DPYSL3: variants seen among roughly 807,000 people sequenced by gnomAD.
DPYSL3 encodes dihydropyrimidinase-related protein 3.
Under a neutral mutation model 66.1 loss-of-function variants are expected in DPYSL3, and 16 were observed. That is an observed-to-expected ratio of 0.24 (90% confidence interval 0.16 to 0.37). The LOEUF is 0.37. Ranked by LOEUF, DPYSL3 falls within the 10% of genes least tolerant of loss-of-function variation. DPYSL3 has a pLI of 1.00. For synonymous variants in DPYSL3, 338 were observed against 345.1 expected (o/e 0.98, Z 0.23); for missense variants, 738 against 916.2 (o/e 0.81, Z 2.51).
intron 1 of DPYSL3, among the ~76,000 whole-genome samples, chr5:147,503,176 A>C (rs1159668489): frequency 6.6e-6 from 1 of 152,202 alleles, no homozygotes; most frequent in Non-Finnish European, 1.5e-5. Flanking sequence ...GGGACCATAG[A>C]CTTCCAAGCA....
intron 1 of DPYSL3, among the ~76,000 whole-genome samples, chr5:147,448,343 T>C (rs1171687395): frequency 3.3e-5 from 5 of 152,204 alleles, no homozygotes; most frequent in Non-Finnish European, 5.9e-5. Context: ...TAATGGCCTG[T>C]GTCGGACTGT....
Position 147,497,529 on chromosome 5 carries a change from C to T in DPYSL3, c.381+11949G>A, listed in dbSNP as rs144235540. On this transcript the variant is annotated intron_variant, in intron 1 of 13. Coordinates refer to ENST00000343218, the MANE Select transcript of DPYSL3 (RefSeq NM_001197294.2). ...GTATACAGAAAGTTACACACCATAG[C>T]CATGAAGGTTTATCTCAGCAAGGCT... is the stretch of plus-strand genomic sequence containing the variant. Among the ~76,000 whole-genome samples the T allele has an allele frequency of 4.6e-3, 706 of 152,212 alleles. 9 individuals carry two copies. The highest frequency in any genetic ancestry group is 0.016 in the African/African-American group (668 of 41,536).
intron 1 of DPYSL3, among the ~76,000 whole-genome samples, chr5:147,444,497 A>G (rs1332692923): frequency 6.6e-6 from 1 of 152,214 alleles, no homozygotes; most frequent in Non-Finnish European, 1.5e-5. Context: ...ATACCTGATT[A>G]TATTATATAT....
intron 7 of DPYSL3, among the ~76,000 whole-genome samples, chr5:147,406,684 A>G (rs368912333): frequency 6.8e-4 from 104 of 152,312 alleles, no homozygotes; most frequent in African/African-American, 2.4e-3. Flanking sequence ...GTCTACTCTC[A>G]ACTTGTGTAA....
At chr5:147,494,064 G>A (rs563036049) in intron 1 of DPYSL3, among the ~76,000 whole-genome samples, 4 of 152,076 alleles carry the variant, frequency 2.6e-5, no homozygotes, top group East Asian at 1.9e-4. Flanking sequence ...GTGGTGGCAG[G>A]CGCCTGTAAT....
At chr5:147,506,307 A>C (rs1164192946) in intron 1 of DPYSL3, among the ~76,000 whole-genome samples, 1 of 152,216 alleles carries the variant, frequency 6.6e-6, no homozygotes, top group Non-Finnish European at 1.5e-5. Context: ...TTGTACCAGC[A>C]TAGAAGGGGA....
At chr5:147,402,492 C>A (rs1178582753) in intron 8 of DPYSL3, among the ~76,000 whole-genome samples, 1 of 148,032 alleles carries the variant, frequency 6.8e-6, no homozygotes, top group Non-Finnish European at 1.5e-5. Context: ...GGACTACAGG[C>A]GCCCGCCACC....
intron 11 of DPYSL3, 45 bp from the exon 12 acceptor site, chr5:147,397,890 A>G (rs949648030): frequency 2.0e-6 from 3 of 1,525,202 alleles, no homozygotes; most frequent in African/African-American, 1.4e-5. Context: ...GGGTAGAGAA[A>G]GAGGAACGTA....
intron 1 of DPYSL3, among the ~76,000 whole-genome samples, chr5:147,426,085 C>CT (rs749587487): frequency 1.1e-4 from 16 of 152,050 alleles, no homozygotes; most frequent in Non-Finnish European, 1.0e-4. Flanking sequence ...TTTTATGGAG[C>CT]TTAAAGGGAA....
chr5:147,412,732 G>A, intron 5 of DPYSL3, 44 bp from the exon 6 acceptor site: 1 of 1,566,128 alleles, frequency 6.4e-7, no homozygotes, highest in Non-Finnish European at 8.7e-7. Context: ...AGCACTTTTA[G>A]CAGCCCCACA....
chr5:147,399,200 G>A lies in DPYSL3; in HGVS notation c.1505C>T (p.Ala502Val). 1.2e-6 allele frequency: 2 copies of A among 1,614,206 alleles called. No individual in the cohort carries two copies. Among genetic ancestry groups the A allele is most frequent in the Non-Finnish European group, 1.7e-6 (2 of 1,180,042 alleles). The change falls in exon 11 of 14, where the codon GCT becomes GTT. Residue 502 changes from alanine to valine, a missense_variant. By Grantham distance (64) the Ala-to-Val change is moderately conservative (BLOSUM62 0). Transcript: ENST00000343218. Reference protein sequence around the residue: ...NQFVAVTSTNAAKIFNLYPRK... With the variant: ...NQFVAVTSTNVAKIFNLYPRK... ...GGGATACAGGTTGAAGATCTTGGCAGCGTTTGTGCTTGTCACAGCCACGAA... is the reference window on the plus strand; with the variant it reads ...GGGATACAGGTTGAAGATCTTGGCAACGTTTGTGCTTGTCACAGCCACGAA...
Position 147,415,703 on chromosome 5 carries a change from G to A in DPYSL3, c.820+6C>T. The A allele has an allele frequency of 6.2e-7, 1 of 1,613,184 alleles. No individual in the cohort carries two copies. The highest frequency in any genetic ancestry group is 8.5e-7 in the Non-Finnish European group (1 of 1,179,502). On this transcript the variant is annotated splice_donor_region_variant and intron_variant, in intron 4 of 13. Transcript: ENST00000343218. The stretch of plus-strand genomic sequence containing the variant: ...AGAGGAGGGAGGACGGCATGTCCGG[G>A]CTCACCTTTGTCCTTGATGAGGTTC...
chr5:147,406,920 T>C (rs1228878386), intron 7 of DPYSL3, among the ~76,000 whole-genome samples: 2 of 152,206 alleles, frequency 1.3e-5, no homozygotes, highest in African/African-American at 4.8e-5. Flanking sequence ...CTGGCTGAGC[T>C]GGCCTCCCCC....
chr5:147,417,950 G>A (rs936776177), intron 3 of DPYSL3, among the ~76,000 whole-genome samples: 2 of 152,034 alleles, frequency 1.3e-5, no homozygotes, highest in Non-Finnish European at 2.9e-5. Flanking sequence ...CAGCGATTTT[G>A]AAAACCTCCA....
At chr5:147,398,458 A>G (rs1758063450) in intron 11 of DPYSL3, among the ~76,000 whole-genome samples, 1 of 152,200 alleles carries the variant, frequency 6.6e-6, no homozygotes. Flanking sequence ...AATAGTCCCT[A>G]CCTGTAGAAG....
At chr5:147,473,213 G>T (rs1753109404) in intron 1 of DPYSL3, 1 of 152,174 alleles carries the variant, frequency 6.6e-6, no homozygotes, top group Non-Finnish European at 1.5e-5. Flanking sequence ...ACATCAATGT[G>T]AGAGGGCTCA....
rs745731115 is a variant in DPYSL3 at position 147,393,986 on chromosome 5, T to G, written c.*49A>C. On this transcript the variant is annotated 3_prime_UTR_variant, in exon 14 of 14. Coordinates refer to ENST00000343218, the MANE Select transcript of DPYSL3 (RefSeq NM_001197294.2). ...TAAATATCGGTGTACCATTTTGGCTTCAAAACAATCTCTTCTTGCTTCTGC... is the reference window on the plus strand; with the variant it reads ...TAAATATCGGTGTACCATTTTGGCTGCAAAACAATCTCTTCTTGCTTCTGC... The G allele has an allele frequency of 1.5e-5, 24 of 1,595,434 alleles. No individual in the cohort carries two copies. Among genetic ancestry groups the G allele is most frequent in the Non-Finnish European group, 2.0e-5 (23 of 1,164,844 alleles).
intron 1 of DPYSL3, among the ~76,000 whole-genome samples, chr5:147,461,392 G>C (rs1752929254): frequency 6.6e-6 from 1 of 152,018 alleles, no homozygotes; most frequent in Admixed American, 6.5e-5. Context: ...GCCTCCTCAG[G>C]CTCACTGTAA....
At chr5:147,404,339 C>T (rs372489387) in intron 8 of DPYSL3, among the ~76,000 whole-genome samples, 14 of 152,340 alleles carry the variant, frequency 9.2e-5, no homozygotes, top group African/African-American at 2.4e-4. Context: ...AAAGCCTCCC[C>T]TCTTGTAAGA....
Sources: gnomAD v4.1 joint callset for allele counts (sites outside exome capture counted in the v4.1 genomes callset) on GRCh38, gnomAD v4.1.1 for gene constraint, MANE v1.5 for transcripts, NCBI Gene and HGNC (gene_info 2026-07-23, HGNC 2026-07-21) for gene names.